The following KIAA1217 variants were observed in gnomAD, a reference collection of about 807,000 sequenced individuals.
KIAA1217 encodes the protein sickle tail protein homolog.
A neutral mutation model predicts 163.9 loss-of-function variants in KIAA1217; 88 were observed. The observed-to-expected ratio is 0.54, with a 90% CI of 0.45 to 0.64. The LOEUF is 0.64. Among genes scored for constraint, KIAA1217 ranks in the 30% least tolerant of loss-of-function variants. KIAA1217 has a pLI of 0.00. For synonymous variants in KIAA1217, 903 were observed against 923.1 expected, an observed-to-expected ratio of 0.98 and a Z score of 0.39; for missense variants, 2,372 against 2,475.0, an observed-to-expected ratio of 0.96 and a Z score of 0.88.
intron 2 of KIAA1217, chr10:24,158,022 G>A: frequency 1.3e-6 from 1 of 769,138 alleles, no homozygotes; most frequent in Non-Finnish European, 2.4e-6. Context: ...GTGGAAATGA[G>A]ATCACCTTTA....
At chr10:23,756,329 C>G (rs1356715147) in intron 1 of KIAA1217, among the ~76,000 whole-genome samples, 14 of 152,016 alleles carry the variant, frequency 9.2e-5, no homozygotes, top group Admixed American at 9.2e-4. Flanking sequence ...TAAATAGGAA[C>G]TGATGTAATT....
intron 1 of KIAA1217, among the ~76,000 whole-genome samples, chr10:23,989,564 T>C (rs745391937): frequency 6.6e-6 from 1 of 152,186 alleles, no homozygotes; most frequent in Non-Finnish European, 1.5e-5. Flanking sequence ...GTCTTTAAGA[T>C]GGAGGATCAG....
chr10:24,544,018 C>A lies in KIAA1217; in HGVS notation c.4748C>A (p.Ala1583Asp). The stretch of plus-strand genomic sequence containing the variant: ...TTCAAATTCCCTAAGAAGCAACTCG[C>A]CGCTCTCACTCAAGCCATTCGCACC... ...FKFKFPKKQL[A>D]ALTQAIRTGT... is the part of the protein sequence containing the mutation. Residue 1583 changes from alanine (A) to aspartate (D), a missense_variant, in exon 19 of 21, where the codon GCC becomes GAC. By Grantham distance (126) the Ala-to-Asp change is moderately radical (BLOSUM62 -2). Around this residue, in one of 3 missense-constraint regions of KIAA1217, gnomAD observed 690 missense variants for 677.5 expected, o/e 1.02. Coordinates refer to ENST00000376454, the MANE Select transcript of KIAA1217 (RefSeq NM_019590.5). 2 of 1,614,134 alleles carry A rather than the reference C, an allele frequency of 1.2e-6. No individual in the cohort carries two copies. Among genetic ancestry groups the A allele is most frequent in the Non-Finnish European group, 1.7e-6 (2 of 1,180,036 alleles).
intron 1 of KIAA1217, among the ~76,000 whole-genome samples, chr10:23,923,855 A>G (rs751340744): frequency 3.9e-5 from 6 of 152,208 alleles, no homozygotes; most frequent in Non-Finnish European, 7.3e-5. Flanking sequence ...AAAATTTTAA[A>G]TTGGATATTA....
At chr10:24,390,811 A>G (rs1310613357) in intron 3 of KIAA1217, among the ~76,000 whole-genome samples, 6 of 152,182 alleles carry the variant, frequency 3.9e-5, no homozygotes, top group Non-Finnish European at 8.8e-5. Flanking sequence ...TTGTGATACA[A>G]GCATCCCCCC....
chr10:24,321,117 A>G (rs1590940700), intron 2 of KIAA1217, among the ~76,000 whole-genome samples: 1 of 152,150 alleles, frequency 6.6e-6, no homozygotes, highest in Non-Finnish European at 1.5e-5. Flanking sequence ...GCGGTTCCTC[A>G]GAAAAAAATA....
chr10:23,812,041 T>C (rs555443209), intron 1 of KIAA1217, among the ~76,000 whole-genome samples: 77 of 152,214 alleles, frequency 5.1e-4, no homozygotes, highest in Non-Finnish European at 7.2e-4. Context: ...GCTGTGTTTG[T>C]GTCACTGCAC....
At chr10:24,200,518 C>A (rs948210268) in intron 2 of KIAA1217, among the ~76,000 whole-genome samples, 1 of 152,156 alleles carries the variant, frequency 6.6e-6, no homozygotes, top group African/African-American at 2.4e-5. Context: ...CCTCAGCTTT[C>A]GCCTGCCATA....
At chr10:23,969,032 T>G (rs568295514) in intron 1 of KIAA1217, among the ~76,000 whole-genome samples, 19 of 152,248 alleles carry the variant, frequency 1.2e-4, no homozygotes, top group East Asian at 9.7e-4. Flanking sequence ...TCTATGTTTT[T>G]TTTGTTTGTT....
chr10:24,310,498 GT>G, intron 2 of KIAA1217, among the ~76,000 whole-genome samples: 1 of 152,318 alleles, frequency 6.6e-6, no homozygotes. Flanking sequence ...TTCTTGCAAA[GT>G]TTTAGTAAAA....
intron 12 of KIAA1217, among the ~76,000 whole-genome samples, chr10:24,523,191 A>T (rs961563524): frequency 6.6e-6 from 1 of 151,532 alleles, no homozygotes; most frequent in East Asian, 2.0e-4. Flanking sequence ...GAAGGGTGGT[A>T]TACACCTGTA....
At chr10:24,362,431 A>G (rs2050150125) in intron 2 of KIAA1217, among the ~76,000 whole-genome samples, 1 of 152,236 alleles carries the variant, frequency 6.6e-6, no homozygotes, top group African/African-American at 2.4e-5. Context: ...AGAAAAGAAG[A>G]AGAAAAGGAA....
intron 3 of KIAA1217, among the ~76,000 whole-genome samples, chr10:24,397,001 C>G (rs2055856963): frequency 6.6e-6 from 1 of 151,582 alleles, no homozygotes; most frequent in Non-Finnish European, 1.5e-5. Flanking sequence ...GCAGAGTGAG[C>G]AGGGAAAAGA....
intron 6 of KIAA1217, among the ~76,000 whole-genome samples, chr10:24,489,486 T>TAAG (rs2133596977): frequency 6.6e-6 from 1 of 151,504 alleles, no homozygotes; most frequent in African/African-American, 2.4e-5. Flanking sequence ...AGATATATAA[T>TAAG]AAGGACTTAA....
chr10:24,331,620 A>T (rs977928102), intron 2 of KIAA1217, among the ~76,000 whole-genome samples: 15 of 152,242 alleles, frequency 9.9e-5, no homozygotes, highest in Admixed American at 9.8e-4. Context: ...GCTGCAATGA[A>T]GCGAAGAGCA....
intron 2 of KIAA1217, among the ~76,000 whole-genome samples, chr10:24,171,678 C>A (rs1207842650): frequency 2.6e-5 from 4 of 151,842 alleles, no homozygotes; most frequent in Admixed American, 2.0e-4. Context: ...GTGGTGCATA[C>A]CAGGAGGATG....
chr10:23,918,732 A>ATG (rs1842725078), intron 1 of KIAA1217, among the ~76,000 whole-genome samples: 1 of 142,062 alleles, frequency 7.0e-6, no homozygotes, highest in Non-Finnish European at 1.5e-5. Context: ...AATTAAATAT[A>ATG]TACACACACA....
intron 1 of KIAA1217, among the ~76,000 whole-genome samples, chr10:24,006,148 A>C (rs1341692515): frequency 6.6e-6 from 1 of 152,204 alleles, no homozygotes; most frequent in Non-Finnish European, 1.5e-5. Flanking sequence ...AATAATTTAA[A>C]TTGTATGGTC....
chr10:24,127,252 G>C (rs1052218115), intron 2 of KIAA1217, among the ~76,000 whole-genome samples: 3 of 151,948 alleles, frequency 2.0e-5, no homozygotes, highest in Non-Finnish European at 2.9e-5. Context: ...TTGGGGATTT[G>C]TGTTCCTTTG....
Sources: allele counts gnomAD v4.1 joint callset (sites outside exome capture counted in the v4.1 genomes callset), GRCh38; gene constraint gnomAD v4.1.1; regional missense constraint gnomAD v4.1.1; transcripts MANE v1.5; gene names NCBI Gene and HGNC (gene_info 2026-07-23, HGNC 2026-07-21).